Variants in UST observed in about 807,000 individuals in gnomAD.
The protein encoded by UST is chondroitin sulfate 2-O-sulfotransferase.
In UST, 21 loss-of-function variants were observed where a neutral mutation model predicts 45.6. The ratio of observed to expected loss-of-function variants is 0.46; its 90% CI spans 0.33 to 0.66. The LOEUF (loss-of-function observed/expected upper bound fraction) is 0.66. Among genes scored for constraint, UST ranks in the 30% least tolerant of loss-of-function variants. The probability of loss-of-function intolerance (pLI) is 0.02; values close to 1 mark genes in which losing one functional copy is unlikely to be tolerated. For missense variants in UST, 463 were observed against 512.4 expected, an observed-to-expected ratio of 0.90 and a Z score of 0.93; for synonymous variants, 215 against 200.6, an observed-to-expected ratio of 1.07 and a Z score of -0.61.
chr6:148,792,116 T>A (rs1221291287), intron 1 of UST, among the ~76,000 whole-genome samples: 1 of 152,160 alleles, frequency 6.6e-6, no homozygotes, highest in Non-Finnish European at 1.5e-5. Context: ...AAGGATGAGA[T>A]GGATGTCTCT....
At chr6:148,975,878 G>A (rs1286569831) in intron 5 of UST, among the ~76,000 whole-genome samples, 2 of 152,198 alleles carry the variant, frequency 1.3e-5, no homozygotes, top group African/African-American at 4.8e-5. Flanking sequence ...GACTGAGCTA[G>A]AGGATGGCAA....
At chr6:148,907,015 A>G (rs886784589) in intron 2 of UST, among the ~76,000 whole-genome samples, 1 of 152,194 alleles carries the variant, frequency 6.6e-6, no homozygotes, top group African/African-American at 2.4e-5. Context: ...AGTTATTCTA[A>G]ACTGGTTAAC....
intron 3 of UST, among the ~76,000 whole-genome samples, chr6:148,952,041 TA>T (rs1289803597): frequency 6.6e-6 from 1 of 152,262 alleles, no homozygotes; most frequent in East Asian, 1.9e-4. Context: ...TGTACAGTAC[TA>T]GGGGGCTTTC....
intron 4 of UST, among the ~76,000 whole-genome samples, chr6:148,955,062 G>A (rs1780457838): frequency 6.6e-6 from 1 of 152,242 alleles, no homozygotes; most frequent in African/African-American, 2.4e-5. Context: ...AGACCAGCCT[G>A]GGAACCTCCG....
intron 5 of UST, among the ~76,000 whole-genome samples, chr6:149,009,967 A>AT (rs2115012090): frequency 6.6e-6 from 1 of 151,816 alleles, no homozygotes; most frequent in South Asian, 2.1e-4. Flanking sequence ...AATCATTTAA[A>AT]TTTTTTTAAA....
intron 4 of UST, among the ~76,000 whole-genome samples, chr6:148,961,757 C>T (rs1012763297): frequency 6.6e-6 from 1 of 152,170 alleles, no homozygotes; most frequent in Non-Finnish European, 1.5e-5. Context: ...CCATTCTCAG[C>T]CCCAAAATGA....
At chr6:148,960,549 G>T (rs899147710) in intron 4 of UST, among the ~76,000 whole-genome samples, 3 of 152,210 alleles carry the variant, frequency 2.0e-5, no homozygotes, top group African/African-American at 7.2e-5. Context: ...GGTTACCAGG[G>T]GTGGGGAAAG....
intron 7 of UST, among the ~76,000 whole-genome samples, chr6:149,026,146 T>TAAAA (rs771431174): frequency 1.1e-5 from 1 of 87,716 alleles, no homozygotes; most frequent in Admixed American, 1.3e-4. Flanking sequence ...AGACTCCATC[T>TAAAA]AAAAAAAAAA....
intron 1 of UST, among the ~76,000 whole-genome samples, chr6:148,781,698 G>A (rs1776646883): frequency 6.6e-6 from 1 of 152,140 alleles, no homozygotes; most frequent in African/African-American, 2.4e-5. Flanking sequence ...ACCTGGCTTT[G>A]AATCTTCAAA....
At chr6:148,922,453 A>G (rs898471913) in intron 2 of UST, among the ~76,000 whole-genome samples, 3 of 151,530 alleles carry the variant, frequency 2.0e-5, no homozygotes, top group East Asian at 1.9e-4. Flanking sequence ...CTATGGCAGA[A>G]TACTATTCCT....
At chr6:148,764,064 A>G (rs950860703) in intron 1 of UST, among the ~76,000 whole-genome samples, 1 of 152,164 alleles carries the variant, frequency 6.6e-6, no homozygotes, top group Non-Finnish European at 1.5e-5. Context: ...AATTGCATGT[A>G]ATCTATATGT....
intron 7 of UST, among the ~76,000 whole-genome samples, chr6:149,050,913 T>C (rs1210655171): frequency 1.3e-5 from 2 of 152,198 alleles, no homozygotes; most frequent in Non-Finnish European, 2.9e-5. Flanking sequence ...CTTTCCTTTG[T>C]TGAAAGTGTT....
At chr6:148,879,945 T>C (rs370680462) in intron 1 of UST, among the ~76,000 whole-genome samples, 1 of 77,960 alleles carries the variant, frequency 1.3e-5, no homozygotes, top group African/African-American at 7.4e-5. Flanking sequence ...TTTTTTCTTT[T>C]TTTTTTCTTT....
chr6:149,021,188 C>T lies in UST; in HGVS notation c.780-136C>T, dbSNP rs1451371017. The T allele has an allele frequency of 3.2e-6, 3 of 946,096 alleles. No homozygotes were observed. The East Asian group carries it at 7.9e-5, about 25-fold the overall frequency. 58.6% of individuals were successfully genotyped at this position (946,096 alleles called of 1,614,324 possible). ...GGGAAGGCCCTGGATGGGGCTACAT[C>T]TGGGCTGGTCCTTGAGGGAAACAGG... On this transcript the variant is annotated intron_variant, in intron 6 of 7. Transcript: ENST00000367463.
chr6:148,973,171 T>C (rs553564332), intron 5 of UST, among the ~76,000 whole-genome samples: 1 of 152,224 alleles, frequency 6.6e-6, no homozygotes, highest in South Asian at 2.1e-4. Flanking sequence ...ATATTATGTG[T>C]TGTATTTATG....
At chr6:148,873,651 C>A (rs895985253) in intron 1 of UST, among the ~76,000 whole-genome samples, 1 of 152,196 alleles carries the variant, frequency 6.6e-6, no homozygotes, top group African/African-American at 2.4e-5. Flanking sequence ...AGTCAGGCTA[C>A]TGGTGTCAAA....
Position 148,852,423 on chromosome 6 carries a change from G to A in UST, c.248-34563G>A, listed in dbSNP as rs1327734041. On this transcript the variant is annotated intron_variant, in intron 1 of 7. Coordinates refer to ENST00000367463, the MANE Select transcript of UST (RefSeq NM_005715.3). ...TAAACGATTATAGTTCAGGAAAAGA[G>A]CCTAGGCCTGTTCATGTTCCATTGA... Among the ~76,000 whole-genome samples, 5 of 152,340 alleles carry A rather than the reference G, an allele frequency of 3.3e-5. No individual in the cohort carries two copies. In the East Asian group the frequency reaches 9.6e-4, roughly 29 times the overall value.
chr6:148,930,586 C>A (rs1779902950), intron 2 of UST, among the ~76,000 whole-genome samples: 1 of 152,160 alleles, frequency 6.6e-6, no homozygotes, highest in African/African-American at 2.4e-5. Flanking sequence ...TGGTGGAAAA[C>A]CTCCTAGGGG....
At chr6:148,906,058 G>A (rs1779352342) in intron 2 of UST, among the ~76,000 whole-genome samples, 1 of 152,196 alleles carries the variant, frequency 6.6e-6, no homozygotes, top group African/African-American at 2.4e-5. Flanking sequence ...CTGGCAGTCA[G>A]AGGTATCCAG....
Sources: allele counts gnomAD v4.1 joint callset (sites outside exome capture counted in the v4.1 genomes callset), GRCh38; gene constraint gnomAD v4.1.1; transcripts MANE v1.5; gene names NCBI Gene and HGNC (gene_info 2026-07-23, HGNC 2026-07-21).